The following GRIK2 variants were observed in gnomAD, a reference collection of about 807,000 sequenced individuals.
GRIK2 encodes glutamate ionotropic receptor kainate type subunit 2.
GRIK2 carries 32 observed loss-of-function variants against 100.3 expected under a neutral mutation model. The ratio of observed to expected loss-of-function variants is 0.32; its 90% CI spans 0.24 to 0.43. The LOEUF (loss-of-function observed/expected upper bound fraction) is 0.43. Among genes scored for constraint, GRIK2 ranks in the 20% least tolerant of loss-of-function variants. GRIK2 has a pLI of 1.00. For missense variants in GRIK2, 843 were observed against 1,114.9 expected, an observed-to-expected ratio of 0.76 and a Z score of 3.47; for synonymous variants, 417 against 389.4, an observed-to-expected ratio of 1.07 and a Z score of -0.83.
At chr6:101,514,752 C>G (rs1774497323) in intron 2 of GRIK2, among the ~76,000 whole-genome samples, 1 of 152,082 alleles carries the variant, frequency 6.6e-6, no homozygotes, top group African/African-American at 2.4e-5. Flanking sequence ...GTGATGATAA[C>G]ATGTCTCTTT....
At chr6:101,942,788 T>G (rs1451123579) in intron 14 of GRIK2, among the ~76,000 whole-genome samples, 2 of 152,212 alleles carry the variant, frequency 1.3e-5, no homozygotes, top group Non-Finnish European at 2.9e-5. Flanking sequence ...AAATTAGAAC[T>G]TATGTTTGAA....
intron 7 of GRIK2, among the ~76,000 whole-genome samples, chr6:101,716,147 G>A (rs944157078): frequency 2.6e-5 from 4 of 151,672 alleles, no homozygotes; most frequent in Non-Finnish European, 5.9e-5. Flanking sequence ...GGAAATTAGT[G>A]TCCAGATAAC....
intron 2 of GRIK2, among the ~76,000 whole-genome samples, chr6:101,427,057 T>G (rs906089814): frequency 1.3e-5 from 2 of 152,168 alleles, no homozygotes. Context: ...GTTGTTTAAT[T>G]GTGAGAGGCC....
At chr6:101,485,762 A>G (rs768194514) in intron 2 of GRIK2, among the ~76,000 whole-genome samples, 3 of 152,174 alleles carry the variant, frequency 2.0e-5, no homozygotes, top group Non-Finnish European at 4.4e-5. Flanking sequence ...CAAAAATACA[A>G]TTATAGCAAC....
intron 7 of GRIK2, among the ~76,000 whole-genome samples, chr6:101,719,315 A>G (rs909078312): frequency 2.6e-5 from 4 of 151,736 alleles, no homozygotes; most frequent in African/African-American, 9.7e-5. Context: ...ATATTCTCTC[A>G]CCATTAACTA....
At chr6:101,906,378 G>C (rs1414513885) in intron 12 of GRIK2, among the ~76,000 whole-genome samples, 2 of 151,698 alleles carry the variant, frequency 1.3e-5, no homozygotes, top group East Asian at 3.9e-4. Context: ...GTGTGTGTGT[G>C]TGTGTGTTTG....
rs192552541 is a variant in GRIK2 at position 101,968,573 on chromosome 6, T to A, written c.2085+39941T>A. Among the ~76,000 whole-genome samples the A allele has an allele frequency of 2.0e-3, 310 of 152,090 alleles. 5 individuals carry two copies. The highest frequency in any genetic ancestry group is 4.4e-4 in the Non-Finnish European group (30 of 67,942). On this transcript the variant is annotated intron_variant, in intron 14 of 16. Transcript: ENST00000369134. ...TCCAGCACTCTACAATATGAAACAA[T>A]CATTTTAATATTTCTAGATCCTCAG...
chr6:101,964,663 G>A (rs1168340912), intron 14 of GRIK2, among the ~76,000 whole-genome samples: 1 of 152,134 alleles, frequency 6.6e-6, no homozygotes, highest in African/African-American at 2.4e-5. Flanking sequence ...TGCAGCACTG[G>A]GATCCTGACT....
At chr6:101,474,472 A>G (rs1450780874) in intron 2 of GRIK2, among the ~76,000 whole-genome samples, 2 of 151,838 alleles carry the variant, frequency 1.3e-5, no homozygotes, top group Non-Finnish European at 2.9e-5. Flanking sequence ...ATTATAATAA[A>G]TGTTCTGAAT....
rs991077381 is a variant in GRIK2, at chr6:101,969,958, GTC to G, written c.2085+41330_2085+41331del. On this transcript the variant is annotated intron_variant, in intron 14 of 16. Transcript: ENST00000369134. ...GAGTGTGTTCTGCATGTGTAGCTCT[GTC>G]TCTTTTTCCTATAATGTTCTCAACC... Among the ~76,000 whole-genome samples the G allele has an allele frequency of 3.9e-5, 6 of 151,958 alleles. No homozygotes were observed. In the East Asian group the frequency reaches 9.7e-4, roughly 25 times the overall value.
intron 2 of GRIK2, among the ~76,000 whole-genome samples, chr6:101,428,773 T>A (rs1769206520): frequency 6.6e-6 from 1 of 152,184 alleles, no homozygotes; most frequent in African/African-American, 2.4e-5. Context: ...TTTCCTCTCC[T>A]AAGGAACGTT....
chr6:101,953,003 A>T (rs552314988), intron 14 of GRIK2, among the ~76,000 whole-genome samples: 1 of 152,190 alleles, frequency 6.6e-6, no homozygotes, highest in Non-Finnish European at 1.5e-5. Flanking sequence ...CTGACTATAA[A>T]ACTTCTTAGT....
chr6:101,504,760 CT>C (rs1216490319), intron 2 of GRIK2, among the ~76,000 whole-genome samples: 1 of 151,916 alleles, frequency 6.6e-6, no homozygotes, highest in Non-Finnish European at 1.5e-5. Context: ...AATAAGGTAA[CT>C]TTTTTTCTCT....
chr6:101,472,869 T>C (rs1772021848), intron 2 of GRIK2, among the ~76,000 whole-genome samples: 1 of 151,782 alleles, frequency 6.6e-6, no homozygotes, highest in African/African-American at 2.4e-5. Flanking sequence ...TGTATTTATT[T>C]TCAATTTTTT....
rs78724951 is a variant in GRIK2, at chr6:101,902,568, A to G, written c.1748+12705A>G. ...TAACTGTATATGAACATATCTATGG[A>G]CAAGAGAAATTATACCAGGAAGACT... is the stretch of plus-strand genomic sequence containing the variant. On this transcript the variant is annotated intron_variant, in intron 12 of 16. Coordinates refer to ENST00000369134, the MANE Select transcript of GRIK2 (RefSeq NM_021956.5). 2.1e-3 allele frequency among the ~76,000 whole-genome samples: 322 copies of G among 152,096 alleles called. 1 individual carries two copies. Among genetic ancestry groups the G allele is most frequent in the African/African-American group, 7.4e-3 (308 of 41,560 alleles).
chr6:101,637,640 A>G (rs1781087394), intron 4 of GRIK2, among the ~76,000 whole-genome samples: 1 of 152,104 alleles, frequency 6.6e-6, no homozygotes, highest in South Asian at 2.1e-4. Context: ...TTGAAATGAT[A>G]GTCTCATGAG....
intron 2 of GRIK2, among the ~76,000 whole-genome samples, chr6:101,471,062 C>T (rs1771922601): frequency 6.6e-6 from 1 of 152,036 alleles, no homozygotes; most frequent in Admixed American, 6.6e-5. Flanking sequence ...ATCAGTTCCA[C>T]ATTTTCACTT....
chr6:101,500,351 T>G (rs2128273035), intron 2 of GRIK2, among the ~76,000 whole-genome samples: 1 of 152,238 alleles, frequency 6.6e-6, no homozygotes, highest in South Asian at 2.1e-4. Flanking sequence ...ATGTGGGATT[T>G]ATGTGAATAA....
chr6:101,566,669 T>C (rs1295415760), intron 2 of GRIK2, among the ~76,000 whole-genome samples: 1 of 151,324 alleles, frequency 6.6e-6, no homozygotes, highest in Non-Finnish European at 1.5e-5. Flanking sequence ...AACCAAAAGG[T>C]CTTATGTTAC....
Sources: allele counts gnomAD v4.1 joint callset (sites outside exome capture counted in the v4.1 genomes callset), GRCh38; gene constraint gnomAD v4.1.1; transcripts MANE v1.5; gene names NCBI Gene and HGNC (gene_info 2026-07-23, HGNC 2026-07-21).